PDSS2: variants seen among roughly 807,000 people sequenced by gnomAD.
PDSS2 encodes decaprenyl diphosphate synthase subunit 2.
PDSS2 carries 31 observed loss-of-function variants against 44.5 expected under a neutral mutation model. The observed-to-expected ratio is 0.70, with a 90% confidence interval of 0.52 to 0.94. The LOEUF is 0.94. PDSS2 is among the 40% of genes least tolerant of loss of function. PDSS2 has a pLI of 0.00. For synonymous variants in PDSS2, 157 were observed against 180.3 expected (o/e 0.87, Z 1.03); for missense variants, 452 against 482.2 (o/e 0.94, Z 0.59).
chr6:107,307,368 A>G (rs941190890), intron 2 of PDSS2, among the ~76,000 whole-genome samples: 1 of 152,196 alleles, frequency 6.6e-6, no homozygotes. Flanking sequence ...ACTTTTTCAC[A>G]AAGGGATAGA....
chr6:107,301,006 G>C (rs546166234), intron 2 of PDSS2, among the ~76,000 whole-genome samples: 23 of 152,276 alleles, frequency 1.5e-4, no homozygotes, highest in Admixed American at 1.4e-3. Flanking sequence ...CTATGAAAGA[G>C]AAATTTGTAG....
chr6:107,319,542 G>A (rs1777317874), intron 2 of PDSS2, among the ~76,000 whole-genome samples: 1 of 152,178 alleles, frequency 6.6e-6, no homozygotes, highest in African/African-American at 2.4e-5. Context: ...TTTAATAAGG[G>A]CATTGATAAA....
At chr6:107,396,682 T>TTC (rs1554276011) in intron 1 of PDSS2, among the ~76,000 whole-genome samples, 16 of 59,794 alleles carry the variant, frequency 2.7e-4, no homozygotes, top group African/African-American at 5.4e-4. Flanking sequence ...TTTTTTCTTT[T>TTC]TTTTTTTTTT....
intron 1 of PDSS2, among the ~76,000 whole-genome samples, chr6:107,432,842 C>T (rs142928621): frequency 6.6e-6 from 1 of 152,210 alleles, no homozygotes; most frequent in African/African-American, 2.4e-5. Flanking sequence ...ACCATATTCA[C>T]CCTACAATGC....
chr6:107,318,258 T>C (rs964781869), intron 2 of PDSS2, among the ~76,000 whole-genome samples: 3 of 152,022 alleles, frequency 2.0e-5, no homozygotes, highest in African/African-American at 4.8e-5. Flanking sequence ...CCCGCTTCTT[T>C]CACCAAGGCA....
chr6:107,167,186 T>G (rs1771382124), intron 7 of PDSS2, among the ~76,000 whole-genome samples: 1 of 152,188 alleles, frequency 6.6e-6, no homozygotes, highest in African/African-American at 2.4e-5. Context: ...GTGATTCAAC[T>G]TCTTCCTGGT....
At chr6:107,180,480 G>C (rs564056018) in intron 7 of PDSS2, among the ~76,000 whole-genome samples, 2 of 152,336 alleles carry the variant, frequency 1.3e-5, no homozygotes, top group East Asian at 3.9e-4. Flanking sequence ...TTATGAATTA[G>C]AAGAACAGAG....
chr6:107,420,613 G>A (rs1370393662), intron 1 of PDSS2, among the ~76,000 whole-genome samples: 1 of 152,094 alleles, frequency 6.6e-6, no homozygotes, highest in East Asian at 1.9e-4. Context: ...GGAACAACTG[G>A]ACATCCATGG....
chr6:107,375,327 C>G (rs1779253927), intron 1 of PDSS2, among the ~76,000 whole-genome samples: 1 of 152,040 alleles, frequency 6.6e-6, no homozygotes, highest in Admixed American at 6.6e-5. Flanking sequence ...AGATACACCT[C>G]TAGCCAAAAT....
chr6:107,350,724 T>G (rs1432054919), intron 1 of PDSS2, among the ~76,000 whole-genome samples: 1 of 152,128 alleles, frequency 6.6e-6, no homozygotes, highest in East Asian at 1.9e-4. Context: ...ATGCGAGGAC[T>G]GCTTGAGCCC....
intron 6 of PDSS2, among the ~76,000 whole-genome samples, chr6:107,207,073 A>C (rs1257809560): frequency 1.3e-5 from 2 of 151,256 alleles, no homozygotes; most frequent in Non-Finnish European, 2.9e-5. Flanking sequence ...GCTGACTGCA[A>C]CCTCCGCTTC....
chr6:107,369,823 A>T (rs1365939566), intron 1 of PDSS2, among the ~76,000 whole-genome samples: 1 of 152,102 alleles, frequency 6.6e-6, no homozygotes, highest in Non-Finnish European at 1.5e-5. Flanking sequence ...TGGGCACCAT[A>T]GTGAGACTCT....
At chr6:107,273,905 ACTGT>A in intron 3 of PDSS2, 120 bp downstream of exon 3, 2 of 757,534 alleles carry the variant, frequency 2.6e-6, no homozygotes, top group Non-Finnish European at 4.8e-6. Flanking sequence ...TCACAGTTTT[ACTGT>A]TTACTGAGCA....
At chr6:107,449,145 A>G (rs921125783) in intron 1 of PDSS2, among the ~76,000 whole-genome samples, 4 of 151,878 alleles carry the variant, frequency 2.6e-5, no homozygotes, top group Non-Finnish European at 5.9e-5. Flanking sequence ...TTGTATTTAC[A>G]CTCCTCCCTA....
At chr6:107,325,025 G>A (rs1383290227) in intron 2 of PDSS2, among the ~76,000 whole-genome samples, 1 of 151,886 alleles carries the variant, frequency 6.6e-6, no homozygotes, top group African/African-American at 2.4e-5. Context: ...GAGACCAAGT[G>A]CAATTCCCTA....
chr6:107,162,610 A>ATTTTTT (rs71012782), intron 7 of PDSS2, among the ~76,000 whole-genome samples: 2 of 115,550 alleles, frequency 1.7e-5, no homozygotes, highest in African/African-American at 3.5e-5. Context: ...GAATTCCCTA[A>ATTTTTT]TTTTTTTTTT....
chr6:107,257,594 C>G (rs933359731), intron 3 of PDSS2, among the ~76,000 whole-genome samples: 1 of 151,942 alleles, frequency 6.6e-6, no homozygotes, highest in Non-Finnish European at 1.5e-5. Context: ...TAGAAATACT[C>G]CAATCTATAA....
intron 1 of PDSS2, among the ~76,000 whole-genome samples, chr6:107,457,756 G>T (rs7768720): frequency 3.9e-4 from 60 of 152,270 alleles, no homozygotes; most frequent in Non-Finnish European, 8.1e-4. Flanking sequence ...ATCCTGTCCT[G>T]GAGGGTAAAG....
chr6:107,364,624 T>C (rs1159118586), intron 1 of PDSS2, among the ~76,000 whole-genome samples: 1 of 152,070 alleles, frequency 6.6e-6, no homozygotes, highest in South Asian at 2.1e-4. Context: ...CTGGTGCCTC[T>C]CCCTCCACAC....
Sources: allele counts gnomAD v4.1 joint callset (sites outside exome capture counted in the v4.1 genomes callset), GRCh38; gene constraint gnomAD v4.1.1; transcripts MANE v1.5; gene names NCBI Gene and HGNC (gene_info 2026-07-23, HGNC 2026-07-21).